RBFOX1: variants seen among roughly 807,000 people sequenced by gnomAD.
The protein encoded by RBFOX1 is RNA binding fox-1 homolog 1.
A neutral mutation model predicts 57.7 loss-of-function variants in RBFOX1; 8 were observed. The observed-to-expected ratio is 0.14, with a 90% CI of 0.08 to 0.25. The LOEUF is 0.25. Among genes scored for constraint, RBFOX1 ranks in the 10% least tolerant of loss-of-function variants. The pLI, the probability that RBFOX1 is intolerant of heterozygous loss-of-function variation, is 1.00. For synonymous variants in RBFOX1, 326 were observed against 222.4 expected (o/e 1.47, Z -4.15); for missense variants, 611 against 548.5 (o/e 1.11, Z -1.14).
intron 4 of RBFOX1, among the ~76,000 whole-genome samples, chr16:5,965,068 C>T (rs570160698): frequency 3.3e-5 from 5 of 152,094 alleles, no homozygotes; most frequent in African/African-American, 7.2e-5. Flanking sequence ...ATCACTTATA[C>T]GTAGAATCTA....
chr16:5,371,660 C>T (rs1344978469), intron 1 of RBFOX1, among the ~76,000 whole-genome samples: 3 of 152,184 alleles, frequency 2.0e-5, no homozygotes, highest in Admixed American at 1.3e-4. Context: ...GGGCAATTCA[C>T]GCACTTCTCT....
At chr16:5,739,159 G>A (rs1459457289) in intron 3 of RBFOX1, among the ~76,000 whole-genome samples, 1 of 152,210 alleles carries the variant, frequency 6.6e-6, no homozygotes, top group Non-Finnish European at 1.5e-5. Context: ...TAGGAACTGT[G>A]CCCCTTTTGC....
At chr16:5,423,732 C>G (rs2067427061) in intron 1 of RBFOX1, among the ~76,000 whole-genome samples, 1 of 152,158 alleles carries the variant, frequency 6.6e-6, no homozygotes, top group Non-Finnish European at 1.5e-5. Flanking sequence ...CTTTGAGTGG[C>G]TCATAGAATC....
At chr16:7,593,537 C>A (rs1375457328) in intron 7 of RBFOX1, among the ~76,000 whole-genome samples, 1 of 152,142 alleles carries the variant, frequency 6.6e-6, no homozygotes, top group Non-Finnish European at 1.5e-5. Context: ...AATCACAGAG[C>A]CTCACTATGG....
intron 1 of RBFOX1, among the ~76,000 whole-genome samples, chr16:5,268,384 TCAA>T (rs1165318586): frequency 6.6e-6 from 1 of 152,132 alleles, no homozygotes; most frequent in Non-Finnish European, 1.5e-5. Flanking sequence ...TTACTTAGAG[TCAA>T]CAACAAGTAC....
chr16:5,369,397 G>T (rs1417317406), intron 1 of RBFOX1, among the ~76,000 whole-genome samples: 1 of 152,232 alleles, frequency 6.6e-6, no homozygotes, highest in Admixed American at 6.5e-5. Flanking sequence ...AATAGCCAGG[G>T]ACCAGCACTG....
intron 3 of RBFOX1, among the ~76,000 whole-genome samples, chr16:6,923,829 G>C (rs1017727255): frequency 3.3e-5 from 5 of 152,124 alleles, no homozygotes; most frequent in Admixed American, 2.6e-4. Context: ...CTTCAGGCAA[G>C]TGACTGAACC....
chr16:6,131,122 C>T (rs199908262), intron 1 of RBFOX1, among the ~76,000 whole-genome samples: 1 of 152,266 alleles, frequency 6.6e-6, no homozygotes, highest in East Asian at 1.9e-4. Flanking sequence ...TGAGAAAGTT[C>T]AGAACACTCA....
chr16:6,798,444 C>T (rs539830047), intron 3 of RBFOX1, among the ~76,000 whole-genome samples: 8 of 152,154 alleles, frequency 5.3e-5, no homozygotes, highest in Non-Finnish European at 1.2e-4. Context: ...AGACAGAGAG[C>T]TGCTATGTTG....
intron 5 of RBFOX1, among the ~76,000 whole-genome samples, chr16:7,549,598 T>C (rs2085690812): frequency 6.6e-6 from 1 of 152,144 alleles, no homozygotes; most frequent in Non-Finnish European, 1.5e-5. Flanking sequence ...CTTCAGTCTG[T>C]GGTTGAAGGT....
intron 1 of RBFOX1, among the ~76,000 whole-genome samples, chr16:6,183,793 C>T (rs2097086099): frequency 6.6e-6 from 1 of 152,056 alleles, no homozygotes; most frequent in Non-Finnish European, 1.5e-5. Context: ...AGTGGTACCA[C>T]ATGAGGTGAG....
intron 3 of RBFOX1, among the ~76,000 whole-genome samples, chr16:6,936,360 G>A (rs2077362198): frequency 6.6e-6 from 1 of 152,126 alleles, no homozygotes; most frequent in Non-Finnish European, 1.5e-5. Flanking sequence ...CTCTCAATGA[G>A]CATAGGCACA....
At chr16:5,562,805 T>G (rs976779565) in intron 2 of RBFOX1, among the ~76,000 whole-genome samples, 1 of 152,174 alleles carries the variant, frequency 6.6e-6, no homozygotes, top group African/African-American at 2.4e-5. Context: ...TGATGAGCCC[T>G]TTGGGATTTT....
In RBFOX1 at chr16:5,615,889, G is replaced by A. The variant is rs542010049; in HGVS notation, c.318+16928G>A. ...TTTCTCCCCAATTATTTGTGGCACC[G>A]CTGTTCAGTGCTTAAAACGGGTCAC... On this transcript the variant is annotated intron_variant, in intron 3 of 19. Transcript: ENST00000641259. Among the ~76,000 whole-genome samples, 38 of 152,182 alleles carry A rather than the reference G, an allele frequency of 2.5e-4. 1 individual carries two copies. The South Asian group carries it at 7.3e-3, about 29-fold the overall frequency.
intron 4 of RBFOX1, among the ~76,000 whole-genome samples, chr16:7,504,267 A>G (rs2072007349): frequency 6.6e-6 from 1 of 152,026 alleles, no homozygotes; most frequent in African/African-American, 2.4e-5. Context: ...TATTTATAGA[A>G]CATTTAGGGC....
At chr16:7,315,806 G>A (rs1043564555) in intron 4 of RBFOX1, among the ~76,000 whole-genome samples, 36 of 152,146 alleles carry the variant, frequency 2.4e-4, no homozygotes, top group African/African-American at 7.2e-4. Context: ...ATTTGAATTC[G>A]TGAGTGTCTC....
chr16:7,016,749 C>T (rs977010903), intron 3 of RBFOX1, among the ~76,000 whole-genome samples: 1 of 152,214 alleles, frequency 6.6e-6, no homozygotes, highest in African/African-American at 2.4e-5. Flanking sequence ...AAACTGTCTA[C>T]TTCACTGGGC....
chr16:5,684,670 A>G (rs989156438), intron 3 of RBFOX1, among the ~76,000 whole-genome samples: 1 of 152,172 alleles, frequency 6.6e-6, no homozygotes, highest in East Asian at 1.9e-4. Flanking sequence ...CAGCCTTTTC[A>G]TCAGCTTCTC....
intron 4 of RBFOX1, among the ~76,000 whole-genome samples, chr16:7,189,731 C>G (rs2084910061): frequency 1.3e-5 from 2 of 152,238 alleles, no homozygotes. Flanking sequence ...GTCAGCAGTT[C>G]CCGTGGTTCC....
Sources: allele counts gnomAD v4.1 joint callset (sites outside exome capture counted in the v4.1 genomes callset), GRCh38; gene constraint gnomAD v4.1.1; transcripts MANE v1.5; gene names NCBI Gene and HGNC (gene_info 2026-07-23, HGNC 2026-07-21).